MCM3AP: variants seen among roughly 807,000 people sequenced by gnomAD.
MCM3AP encodes minichromosome maintenance complex component 3 associated protein.
In MCM3AP, 126 loss-of-function variants were observed where a neutral mutation model predicts 184.1. The ratio of observed to expected loss-of-function variants is 0.68; its 90% confidence interval spans 0.59 to 0.79. The LOEUF is 0.79. Among genes scored for constraint, MCM3AP ranks in the 30% least tolerant of loss-of-function variants. The probability of loss-of-function intolerance (pLI) is 0.00; values close to 1 mark genes in which losing one functional copy is unlikely to be tolerated. For synonymous variants in MCM3AP, 1,002 were observed against 979.3 expected, an observed-to-expected ratio of 1.02 and a Z score of -0.43; for missense variants, 2,496 against 2,479.2, an observed-to-expected ratio of 1.01 and a Z score of -0.14.
At chr21:46,277,492 C>A in intron 5 of MCM3AP, 35 bp downstream of exon 5, 2 of 1,483,724 alleles carry the variant, frequency 1.3e-6, no homozygotes, top group Admixed American at 2.3e-5. Flanking sequence ...ACGACCTCAC[C>A]AGGCCCCTAG....
intron 15 of MCM3AP, 68 bp from the exon 16 acceptor site, chr21:46,259,159 A>G (rs755210585): frequency 6.6e-7 from 1 of 1,520,678 alleles, no homozygotes; most frequent in Non-Finnish European, 8.9e-7. Flanking sequence ...GGCTTGCTTG[A>G]AAAGTGCAAG....
At chr21:46,276,419 A>C (rs1450137424) in intron 5 of MCM3AP, among the ~76,000 whole-genome samples, 1 of 152,150 alleles carries the variant, frequency 6.6e-6, no homozygotes, top group Admixed American at 6.5e-5. Context: ...ACAGCTTTTA[A>C]AAAGAGGAAA....
chr21:46,243,865 G>T (rs913131978), intron 23 of MCM3AP, 143 bp from the exon 24 acceptor site: 1 of 784,094 alleles, frequency 1.3e-6, no homozygotes, highest in Non-Finnish European at 2.0e-6. Context: ...TGTTGAGGGG[G>T]AAGAGCAGCT....
chr21:46,275,078 C>A lies in MCM3AP; in HGVS notation c.1998+108G>T, dbSNP rs1261256032. 4.7e-6 allele frequency: 6 copies of A among 1,276,430 alleles called. No individual in the cohort carries two copies. In the African/African-American group the frequency reaches 7.7e-5, roughly 16 times the overall value. The allele number at this position is 1,276,430 out of a possible 1,614,324, so 79.1% of individuals were successfully genotyped here. ...CAGCTTAATATGATTGTTAATAGCA[C>A]AAATACCCAACACTGTCTAAAACAA... On this transcript the variant is annotated intron_variant, in intron 6 of 27. Transcript: ENST00000291688.
chr21:46,268,688 T>C (rs2081143021), intron 9 of MCM3AP, among the ~76,000 whole-genome samples: 1 of 152,236 alleles, frequency 6.6e-6, no homozygotes, highest in Admixed American at 6.5e-5. Context: ...GCTGCCTCTG[T>C]GCGCCACTGC....
At chr21:46,283,901 T>C in intron 1 of MCM3AP, 63 bp from the exon 2 acceptor site, 2 of 1,557,808 alleles carry the variant, frequency 1.3e-6, no homozygotes, top group South Asian at 1.1e-5. Context: ...AGGCACCAAC[T>C]GTGTCGAAGC....
In MCM3AP at chr21:46,280,015, CA is replaced by C. The variant is rs761341599; in HGVS notation, c.1644del (p.Ala549LeufsTer5). On this transcript the variant is annotated frameshift_variant, in exon 4 of 28. Coordinates refer to ENST00000291688, the MANE Select transcript of MCM3AP (RefSeq NM_003906.5). LOFTEE classifies it high-confidence loss of function. ...SPLGKAAGRTGASSLLNKSSP... is the reference protein window; with the variant it reads ...SPLGKAAGRTXASSLLNKSSP... ...CACCTTTTATTCAGGAGGCTGCTAG[CA>C]CCAGTCCTCCCTGCGGCCTTGCCAA... is the stretch of plus-strand genomic sequence containing the variant. 6.2e-7 allele frequency: 1 copy of C among 1,613,556 alleles called. No individual in the cohort carries two copies. Among genetic ancestry groups the C allele is most frequent in the Non-Finnish European group, 8.5e-7 (1 of 1,179,826 alleles).
At position 46,266,982 on chromosome 21, in the gene MCM3AP, C is replaced by G; in HGVS notation, c.2789G>C (p.Gly930Ala). 1.2e-6 allele frequency: 2 copies of G among 1,614,074 alleles called. No homozygotes were observed. Among genetic ancestry groups the G allele is most frequent in the Non-Finnish European group, 8.5e-7 (1 of 1,179,998 alleles). Residue 930 changes from glycine (G) to alanine (A), a missense_variant and splice_region_variant, in exon 10 of 28, where the codon GGC becomes GCC. By Grantham distance (60) the Gly-to-Ala change is moderately conservative (BLOSUM62 0). This residue lies in a region of MCM3AP where 138 missense variants were observed against 191.9 expected (regional missense o/e 0.72). Transcript: ENST00000291688. ...CCACAGTTCCATTCTCAGCTCTTAC[C>G]CGTCGGAAACGGTGAGGCCGTGGCA... ...LTCHGLTVSDGCVELNRSAFL... is the reference protein window; with the variant it reads ...LTCHGLTVSDACVELNRSAFL...
intron 20 of MCM3AP, chr21:46,251,048 G>T (rs1269471234): frequency 6.6e-6 from 1 of 152,282 alleles, no homozygotes; most frequent in Non-Finnish European, 1.5e-5. Context: ...TTCTTTTTAA[G>T]TACACGGAAG....
chr21:46,272,706 T>A lies in MCM3AP; in HGVS notation c.2320A>T (p.Ile774Phe). 6.2e-7 allele frequency: 1 copy of A among 1,614,178 alleles called. No individual in the cohort carries two copies. The highest frequency in any genetic ancestry group is 8.5e-7 in the Non-Finnish European group (1 of 1,180,044). ...CACTTGGTCATGTTCTCATTATTGA[T>A]CTTGGCATCAAAGGAGGACATGGGC... ...EEPMSSFDAK[I>F]NNENMTKCLQ... The change falls in exon 8 of 28, where the codon ATC becomes TTC. Residue 774 changes from isoleucine to phenylalanine, a missense_variant. This residue lies in a region of MCM3AP where 105 missense variants were observed against 97.1 expected (regional missense o/e 1.08). Coordinates refer to ENST00000291688, the MANE Select transcript of MCM3AP (RefSeq NM_003906.5).
intron 19 of MCM3AP, chr21:46,253,370 T>TA (rs1421976171): frequency 6.6e-6 from 1 of 152,234 alleles, no homozygotes; most frequent in Admixed American, 6.5e-5. Context: ...AATCAACTCT[T>TA]AAATGCTTTT....
intron 15 of MCM3AP, chr21:46,259,455 CAAAAAA>C: frequency 1.5e-5 from 1 of 65,928 alleles, no homozygotes; most frequent in Non-Finnish European, 3.1e-5. Context: ...GACTCCGTCT[CAAAAAA>C]AAAAAAAAAA....
chr21:46,263,262 G>T (rs999193279), intron 13 of MCM3AP, among the ~76,000 whole-genome samples: 1 of 151,908 alleles, frequency 6.6e-6, no homozygotes, highest in East Asian at 1.9e-4. Context: ...TCCGGGAGGT[G>T]GGGGTTGCAG....
intron 2 of MCM3AP, among the ~76,000 whole-genome samples, chr21:46,281,593 G>A (rs1163672183): frequency 1.3e-5 from 2 of 152,118 alleles, no homozygotes; most frequent in African/African-American, 2.4e-5. Context: ...AGGTGGAGGT[G>A]GGAGGATCAC....
At chr21:46,251,241 AT>A (rs574256096) in intron 20 of MCM3AP, 1 of 234,684 alleles carries the variant, frequency 4.3e-6, no homozygotes, top group Non-Finnish European at 8.2e-6. Flanking sequence ...ACATTTCCTC[AT>A]TTTTTAAAAG....
chr21:46,251,510 C>CA lies in MCM3AP; in HGVS notation c.4290+18dup. Reference sequence around the variant, plus strand: ...AGTAATGAAAACACAGAAGTAAACACAAAGTAATTATAGTTCACCTTTATA... The same window carrying CA: ...AGTAATGAAAACACAGAAGTAAACACAAAAGTAATTATAGTTCACCTTTATA... On this transcript the variant is annotated intron_variant, in intron 20 of 27. Transcript: ENST00000291688. 6.3e-7 allele frequency: 1 copy of CA among 1,577,434 alleles called. No homozygotes were observed.
chr21:46,280,076 C>A lies in MCM3AP; in HGVS notation c.1584G>T (p.Pro528=). 1 of 1,614,162 alleles carries A rather than the reference C, an allele frequency of 6.2e-7. No individual in the cohort carries two copies. Among genetic ancestry groups the A allele is most frequent in the South Asian group, 1.1e-5 (1 of 91,078 alleles). The change falls in exon 4 of 28, where the codon CCG becomes CCT. Residue 528 remains proline (P), a synonymous_variant. Transcript: ENST00000291688. ...GCTGAAAGGGTGCATCCTCTGTGCT[C>A]GGGCTGACTTCACCGTCACCTGGTT... The part of the protein sequence containing the change: ...EKKPGDGEVS[P]STEDAPFQHS...
chr21:46,270,318 A>G, intron 9 of MCM3AP, 83 bp downstream of exon 9: 1 of 1,369,606 alleles, frequency 7.3e-7, no homozygotes, highest in Non-Finnish European at 1.0e-6. Context: ...CCTCCTTTGA[A>G]AAGCTTGGAA....
intron 9 of MCM3AP, 55 bp from the exon 10 acceptor site, chr21:46,267,197 T>C: frequency 6.4e-7 from 1 of 1,550,760 alleles, no homozygotes; most frequent in Non-Finnish European, 8.8e-7. Context: ...GTCAGACACA[T>C]GCAGTCAGCC....
Sources: gnomAD v4.1 joint callset for allele counts (sites outside exome capture counted in the v4.1 genomes callset) on GRCh38, gnomAD v4.1.1 for gene constraint, gnomAD v4.1.1 regional missense constraint, MANE v1.5 for transcripts, NCBI Gene and HGNC (gene_info 2026-07-23, HGNC 2026-07-21) for gene names.